The following GMDS variants were observed in gnomAD, a reference collection of about 807,000 sequenced individuals.
The protein encoded by GMDS is GDP-mannose 4,6 dehydratase.
Under a neutral mutation model 49.9 loss-of-function variants are expected in GMDS, and 20 were observed. The ratio of observed to expected loss-of-function variants is 0.40; its 90% CI spans 0.28 to 0.58. The LOEUF (loss-of-function observed/expected upper bound fraction) is 0.58. Ranked by LOEUF, GMDS falls within the 20% of genes least tolerant of loss-of-function variation. The pLI is 0.42. For synonymous variants in GMDS, 177 were observed against 178.6 expected, an observed-to-expected ratio of 0.99 and a Z score of 0.07; for missense variants, 362 against 481.4, an observed-to-expected ratio of 0.75 and a Z score of 2.32.
At chr6:2,052,409 G>A (rs1051923606) in intron 4 of GMDS, among the ~76,000 whole-genome samples, 2 of 152,188 alleles carry the variant, frequency 1.3e-5, no homozygotes, top group Non-Finnish European at 2.9e-5. Flanking sequence ...AAAGTTAAAG[G>A]ATGGGAAGAA....
chr6:1,750,692 C>T (rs1424673047), intron 7 of GMDS, among the ~76,000 whole-genome samples: 1 of 151,972 alleles, frequency 6.6e-6, no homozygotes, highest in Non-Finnish European at 1.5e-5. Flanking sequence ...TTTTCATATC[C>T]TAGTGGTGCC....
At chr6:2,061,339 A>G (rs1217508582) in intron 4 of GMDS, among the ~76,000 whole-genome samples, 1 of 152,192 alleles carries the variant, frequency 6.6e-6, no homozygotes, top group African/African-American at 2.4e-5. Flanking sequence ...TCATTATGGT[A>G]TTTTGAAAAA....
chr6:1,624,037 G>A lies in GMDS; in HGVS notation c.*132C>T. 1 of 761,758 alleles carries A rather than the reference G, an allele frequency of 1.3e-6. No homozygotes were observed. Among genetic ancestry groups the A allele is most frequent in the Non-Finnish European group, 2.1e-6 (1 of 468,354 alleles). The allele number at this position is 761,758 out of a possible 1,614,324, so 47.2% of individuals were successfully genotyped here. A position where few individuals can be genotyped will look rare whatever the true frequency, so the allele number is the denominator to read the frequency against. ...GGGGCGGCCCCGCTCTTGCGGCCGG[G>A]ACAGCGCAGCGGCAGCAGGGGCCGC... is the stretch of plus-strand genomic sequence containing the variant. On this transcript the variant is annotated 3_prime_UTR_variant, in exon 11 of 11. Transcript: ENST00000380815.
At chr6:1,827,116 GTGTGTA>G (rs1278476327) in intron 7 of GMDS, among the ~76,000 whole-genome samples, 4 of 137,984 alleles carry the variant, frequency 2.9e-5, no homozygotes, top group East Asian at 4.1e-4. Flanking sequence ...GTGTGTGTGT[GTGTGTA>G]TGTGTATCCA....
intron 1 of GMDS, among the ~76,000 whole-genome samples, chr6:2,169,621 C>CAAAAAA (rs556634869): frequency 5.7e-4 from 42 of 73,720 alleles, no homozygotes; most frequent in Non-Finnish European, 1.1e-3. Context: ...CACCAGGCAG[C>CAAAAAA]AAAAAAAAAA....
At chr6:1,666,593 G>A (rs1318430802) in intron 9 of GMDS, among the ~76,000 whole-genome samples, 2 of 152,210 alleles carry the variant, frequency 1.3e-5, no homozygotes, top group Non-Finnish European at 2.9e-5. Context: ...AAATTATACA[G>A]TCAGCTTTTC....
chr6:2,172,572 A>T (rs1293423579), intron 1 of GMDS, among the ~76,000 whole-genome samples: 1 of 152,144 alleles, frequency 6.6e-6, no homozygotes, highest in East Asian at 1.9e-4. Flanking sequence ...GGGCACCTAT[A>T]ATCCCAGCTA....
chr6:1,750,357 A>G (rs1181101857), intron 7 of GMDS, among the ~76,000 whole-genome samples: 2 of 152,170 alleles, frequency 1.3e-5, no homozygotes, highest in Non-Finnish European at 2.9e-5. Flanking sequence ...AAGGCAGGTG[A>G]TTTCTGCATT....
chr6:1,944,030 C>T (rs202127434), intron 6 of GMDS, among the ~76,000 whole-genome samples: 4 of 144,128 alleles, frequency 2.8e-5, no homozygotes, highest in East Asian at 2.9e-4. Flanking sequence ...TATCCCACAT[C>T]GTTCCACATC....
chr6:1,727,076 C>T (rs1041734056), intron 8 of GMDS, among the ~76,000 whole-genome samples: 2 of 152,176 alleles, frequency 1.3e-5, no homozygotes, highest in African/African-American at 4.8e-5. Flanking sequence ...CTTAGTAAGT[C>T]TCAGATGATT....
intron 8 of GMDS, among the ~76,000 whole-genome samples, chr6:1,738,943 C>G (rs187158119): frequency 3.9e-5 from 6 of 152,142 alleles, no homozygotes; most frequent in Admixed American, 3.9e-4. Context: ...ATGAAATCTG[C>G]GGAAATCAGG....
intron 7 of GMDS, among the ~76,000 whole-genome samples, chr6:1,909,050 G>T (rs181885198): frequency 6.6e-6 from 1 of 152,290 alleles, no homozygotes; most frequent in Non-Finnish European, 1.5e-5. Flanking sequence ...ACCAGAAAAC[G>T]CAGGATATTA....
chr6:2,216,789 G>A (rs543997191), intron 1 of GMDS, among the ~76,000 whole-genome samples: 6 of 152,240 alleles, frequency 3.9e-5, no homozygotes, highest in East Asian at 3.9e-4. Flanking sequence ...CTTTTACACT[G>A]CATTTACGTG....
At chr6:1,784,079 A>G (rs921156919) in intron 7 of GMDS, among the ~76,000 whole-genome samples, 1 of 152,204 alleles carries the variant, frequency 6.6e-6, no homozygotes, top group Admixed American at 6.5e-5. Flanking sequence ...AATCTGTTGT[A>G]ATAAAAGTAA....
At chr6:1,984,646 T>A (rs1007352628) in intron 4 of GMDS, among the ~76,000 whole-genome samples, 1 of 152,174 alleles carries the variant, frequency 6.6e-6, no homozygotes, top group Non-Finnish European at 1.5e-5. Context: ...CTGGTCTCTA[T>A]CTGGCATTTC....
intron 4 of GMDS, among the ~76,000 whole-genome samples, chr6:2,007,559 T>C (rs556894830): frequency 7.3e-5 from 11 of 151,462 alleles, no homozygotes; most frequent in Non-Finnish European, 1.6e-4. Context: ...GTTTTTTCTT[T>C]TTTCTTTTTT....
rs143707347 is a variant in GMDS, at chr6:2,209,606, T to TTC, written c.102+35713_102+35714dup. Among the ~76,000 whole-genome samples, 648 of 120,994 alleles carry TTC rather than the reference T, an allele frequency of 5.4e-3. 5 individuals are homozygous for TTC. Among genetic ancestry groups the TTC allele is most frequent in the African/African-American group, 0.018 (565 of 31,642 alleles). The allele number at this position is 120,994 out of a possible 152,430, so 79.4% of individuals were successfully genotyped here. A position where few individuals can be genotyped will look rare whatever the true frequency, so the allele number is the denominator to read the frequency against. ...ACACACACACACACACACACACACG[T>TTC]TCTCTCTCTCTCTCTCTCTCTGGAC... is the stretch of plus-strand genomic sequence containing the variant. On this transcript the variant is annotated intron_variant, in intron 1 of 10. Transcript: ENST00000380815.
chr6:2,037,426 G>A (rs1266953288), intron 4 of GMDS, among the ~76,000 whole-genome samples: 2 of 152,174 alleles, frequency 1.3e-5, no homozygotes, highest in Non-Finnish European at 2.9e-5. Flanking sequence ...GTGCATGGGG[G>A]TCCTGCTCAT....
At chr6:2,003,916 A>G (rs1766989758) in intron 4 of GMDS, among the ~76,000 whole-genome samples, 1 of 152,126 alleles carries the variant, frequency 6.6e-6, no homozygotes. Context: ...TAAAGATCCA[A>G]TGTAGGTAAT....
Sources: allele counts gnomAD v4.1 joint callset (sites outside exome capture counted in the v4.1 genomes callset), GRCh38; gene constraint gnomAD v4.1.1; transcripts MANE v1.5; gene names NCBI Gene and HGNC (gene_info 2026-07-23, HGNC 2026-07-21).